Variants in PPP1R21 observed in about 807,000 individuals in gnomAD.
PPP1R21 encodes KLRAQ motif containing 1.
A neutral mutation model predicts 112.8 loss-of-function variants in PPP1R21; 85 were observed. The observed-to-expected ratio is 0.75, with a 90% CI of 0.63 to 0.90. The LOEUF is 0.90. Among genes scored for constraint, PPP1R21 ranks in the 40% least tolerant of loss-of-function variants. PPP1R21 has a pLI of 0.00. For missense variants in PPP1R21, 1,199 were observed against 901.5 expected (o/e 1.33, Z -4.23); for synonymous variants, 381 against 322.3 (o/e 1.18, Z -1.95).
intron 20 of PPP1R21, among the ~76,000 whole-genome samples, chr2:48,510,505 A>C (rs923323670): frequency 6.6e-6 from 1 of 152,120 alleles, no homozygotes; most frequent in Non-Finnish European, 1.5e-5. Flanking sequence ...ATTCCTTCTT[A>C]CTCACTGCCT....
rs1015124355 is a variant in PPP1R21, at chr2:48,507,900, G to C, written c.2085+515G>C. Among the ~76,000 whole-genome samples, 4 of 150,952 alleles carry C rather than the reference G, an allele frequency of 2.6e-5. No individual in the cohort carries two copies. In the East Asian group the frequency reaches 7.8e-4, roughly 29 times the overall value. On this transcript the variant is annotated intron_variant, in intron 19 of 21. Coordinates refer to ENST00000294952, the MANE Select transcript of PPP1R21 (RefSeq NM_001135629.3). ...CCCGCCCCAGCCTCCTGAGTAGCTG[G>C]GATTACAGGCACCCGCCATCATGCC...
intron 7 of PPP1R21, among the ~76,000 whole-genome samples, chr2:48,464,635 G>A (rs1377908656): frequency 1.3e-5 from 2 of 152,104 alleles, no homozygotes; most frequent in Non-Finnish European, 1.5e-5. Flanking sequence ...CAGCAAGAAC[G>A]TCATGAGCCT....
intron 14 of PPP1R21, among the ~76,000 whole-genome samples, chr2:48,487,710 G>A (rs192142473): frequency 8.4e-4 from 126 of 150,658 alleles, no homozygotes; most frequent in East Asian, 9.8e-4. Context: ...GCAGTGAGCC[G>A]TGTGTGAGCC....
intron 14 of PPP1R21, among the ~76,000 whole-genome samples, chr2:48,488,363 G>A (rs558026881): frequency 6.6e-6 from 1 of 150,990 alleles, no homozygotes; most frequent in East Asian, 1.9e-4. Context: ...CTCTGTATTT[G>A]CCAACTTTTT....
At chr2:48,484,425 A>G (rs929451864) in intron 13 of PPP1R21, among the ~76,000 whole-genome samples, 3 of 152,194 alleles carry the variant, frequency 2.0e-5, no homozygotes, top group Admixed American at 6.5e-5. Flanking sequence ...GGTCTAAGTC[A>G]CATGATTCTT....
intron 13 of PPP1R21, among the ~76,000 whole-genome samples, chr2:48,482,703 T>C (rs1348399242): frequency 6.6e-6 from 1 of 151,354 alleles, no homozygotes; most frequent in Admixed American, 6.6e-5. Context: ...TAGTCTGTAG[T>C]TGTAATTATG....
intron 18 of PPP1R21, among the ~76,000 whole-genome samples, chr2:48,506,713 A>G (rs913470112): frequency 7.2e-5 from 11 of 152,282 alleles, no homozygotes; most frequent in African/African-American, 2.6e-4. Flanking sequence ...TGGGAGGCCA[A>G]GGCAGGCGGA....
chr2:48,455,422 C>T (rs543776450), intron 3 of PPP1R21, among the ~76,000 whole-genome samples: 1 of 150,798 alleles, frequency 6.6e-6, no homozygotes, highest in South Asian at 2.1e-4. Flanking sequence ...GGATTACAGG[C>T]CTGAGCCACC....
rs1669826097 is a variant in PPP1R21 at position 48,496,209 on chromosome 2, A to T, written c.1692+438A>T. On this transcript the variant is annotated intron_variant, in intron 16 of 21. Transcript: ENST00000294952. ...GTGGGAGGCACTGTCTTTTTCAGAA[A>T]AAAAGGAAAAAAAAAATATGTATAT... Among the ~76,000 whole-genome samples the T allele has an allele frequency of 2.6e-5, 4 of 152,066 alleles. No homozygotes were observed. In the South Asian group the frequency reaches 8.3e-4, roughly 32 times the overall value.
rs571630093 is a variant in PPP1R21 at position 48,449,278 on chromosome 2, A to G, written c.58-1730A>G. Among the ~76,000 whole-genome samples the G allele has an allele frequency of 7.9e-5, 12 of 152,278 alleles. No homozygotes were observed. In the South Asian group the frequency reaches 8.3e-4, roughly 11 times the overall value. ...TTTATAGTTTAGAAAGTGCTTTGAC[A>G]TAGGTTTCTTATCTGGTTCTCACAG... On this transcript the variant is annotated intron_variant, in intron 1 of 21. Coordinates refer to ENST00000294952, the MANE Select transcript of PPP1R21 (RefSeq NM_001135629.3).
In PPP1R21 at chr2:48,502,026, A is replaced by G. The variant is rs183207675; in HGVS notation, c.1935+3291A>G. The G allele has an allele frequency of 1.3e-4, 20 of 152,306 alleles. No homozygotes were observed. In the South Asian group the frequency reaches 2.9e-3, roughly 22 times the overall value. The allele number at this position is 152,306 out of a possible 1,614,324, so 9.4% of individuals were successfully genotyped here. A position where few individuals can be genotyped will look rare whatever the true frequency, so the allele number is the denominator to read the frequency against. ...GTACATGTGCTGCTGAAGAAGCACAATGCTGGTATATTTGAGTTGTTAATG... is the reference window on the plus strand; with the variant it reads ...GTACATGTGCTGCTGAAGAAGCACAGTGCTGGTATATTTGAGTTGTTAATG... On this transcript the variant is annotated intron_variant, in intron 17 of 21. Transcript: ENST00000294952.
intron 13 of PPP1R21, among the ~76,000 whole-genome samples, chr2:48,486,109 C>T (rs574780007): frequency 6.6e-6 from 1 of 151,936 alleles, no homozygotes; most frequent in Non-Finnish European, 1.5e-5. Flanking sequence ...GGAAGTCAGG[C>T]ACTGGGGCGT....
chr2:48,465,524 T>G lies in PPP1R21; in HGVS notation c.779T>G (p.Leu260Arg). Residue 260 changes from leucine to arginine, a missense_variant, in exon 9 of 22, where the codon CTG becomes CGG. Leu to Arg is a moderately radical substitution (Grantham distance 102). Coordinates refer to ENST00000294952, the MANE Select transcript of PPP1R21 (RefSeq NM_001135629.3). ...LKMRDIAGQA[L>R]AFVQDLVTAL... ...ATGCGAGATATTGCTGGGCAGGCCC[T>G]GGCTTTTGTTCAGGATCTTGTGACG... 6.2e-7 allele frequency: 1 copy of G among 1,613,710 alleles called. No homozygotes were observed. The highest frequency in any genetic ancestry group is 8.5e-7 in the Non-Finnish European group (1 of 1,179,868).
chr2:48,457,586 AAAT>A (rs1271407403), intron 3 of PPP1R21, among the ~76,000 whole-genome samples: 12 of 152,324 alleles, frequency 7.9e-5, no homozygotes, highest in African/African-American at 2.6e-4. Context: ...AGGGATTTTA[AAAT>A]AATCTTTGAG....
rs1668480505 is a variant in PPP1R21, at chr2:48,471,172, A to T, written c.983A>T (p.Asp328Val). Residue 328 changes from aspartate (D) to valine (V), a missense_variant, in exon 10 of 22, where the codon GAT becomes GTT. Physicochemically the swap from Asp to Val is radical, Grantham distance 152. Transcript: ENST00000294952. The part of the protein sequence containing the change: ...MLHLFESITE[D>V]TVTVLETTVK... ...CATTTATTTGAAAGTATCACTGAGG[A>T]TACTGTGACTGTCTTGGTAATTTTC... is the stretch of plus-strand genomic sequence containing the variant. The T allele has an allele frequency of 2.5e-6, 4 of 1,611,748 alleles. No individual in the cohort carries two copies. The highest frequency in any genetic ancestry group is 3.4e-6 in the Non-Finnish European group (4 of 1,178,062).
At chr2:48,496,041 G>A (rs1488341354) in intron 16 of PPP1R21, among the ~76,000 whole-genome samples, 1 of 152,048 alleles carries the variant, frequency 6.6e-6, no homozygotes, top group Admixed American at 6.6e-5. Context: ...TTTCTTTTTA[G>A]GTGCTAGATT....
chr2:48,486,782 G>T, intron 14 of PPP1R21, 24 bp downstream of exon 14: 4 of 1,602,156 alleles, frequency 2.5e-6, no homozygotes, highest in South Asian at 1.1e-5. Flanking sequence ...GGCGTATATT[G>T]ATGTTAAAAC....
chr2:48,446,876 G>C (rs55952008), intron 1 of PPP1R21, among the ~76,000 whole-genome samples: 27,730 of 151,944 alleles, frequency 0.18, 2,728 homozygotes, highest in Admixed American at 0.22. Context: ...TCAGCCTCCT[G>C]AGTAGCTGGG....
At chr2:48,491,785 TTATA>T (rs991385174) in intron 15 of PPP1R21, among the ~76,000 whole-genome samples, 2 of 152,202 alleles carry the variant, frequency 1.3e-5, no homozygotes, top group African/African-American at 4.8e-5. Context: ...GAGGATATAT[TTATA>T]TATATCTCAA....
Sources: gnomAD v4.1 joint callset for allele counts (sites outside exome capture counted in the v4.1 genomes callset) on GRCh38, gnomAD v4.1.1 for gene constraint, MANE v1.5 for transcripts, NCBI Gene and HGNC (gene_info 2026-07-23, HGNC 2026-07-21) for gene names.